Variants in PTGIS observed in about 807,000 individuals in gnomAD.
PTGIS encodes prostacyclin synthase.
Under a neutral mutation model 50.3 loss-of-function variants are expected in PTGIS, and 45 were observed. The ratio of observed to expected loss-of-function variants is 0.90; its 90% CI spans 0.70 to 1.15. The LOEUF (loss-of-function observed/expected upper bound fraction) is 1.15. Ranked by LOEUF, PTGIS falls within the 50% of genes most tolerant of loss-of-function variation. PTGIS has a pLI of 0.00. For synonymous variants in PTGIS, 260 were observed against 267.7 expected (o/e 0.97, Z 0.28); for missense variants, 668 against 661.3 (o/e 1.01, Z -0.11).
chr20:49,538,254 CAGAAAAAAAAAAA>C (rs1982131089), intron 5 of PTGIS, among the ~76,000 whole-genome samples: 1 of 54,206 alleles, frequency 1.8e-5, no homozygotes, highest in African/African-American at 8.4e-5. Flanking sequence ...GACCCTGGTT[CAGAAAAAAAAAAA>C]AAAAAAAAAA....
At chr20:49,527,292 A>AC (rs1981816317) in intron 5 of PTGIS, among the ~76,000 whole-genome samples, 1 of 132,372 alleles carries the variant, frequency 7.6e-6, no homozygotes, top group Admixed American at 7.0e-5. Context: ...TAAAATACAA[A>AC]AAAAAAAAAA....
chr20:49,547,570 A>T (rs1015612603), intron 3 of PTGIS, among the ~76,000 whole-genome samples: 1 of 151,994 alleles, frequency 6.6e-6, no homozygotes, highest in Non-Finnish European at 1.5e-5. Context: ...GCTGACCCAA[A>T]CCCTGGTCTC....
rs1011484749 is a variant in PTGIS, at chr20:49,540,581, G to C, written c.522-860C>G. On this transcript the variant is annotated intron_variant, in intron 4 of 9. Coordinates refer to ENST00000244043, the MANE Select transcript of PTGIS (RefSeq NM_000961.4). This position sits in a 1 kb window ranked among gnomAD's most constrained non-coding sequence, Gnocchi z 4.8. ...GGGGCTCTGGGAGGCCCGAGAAGGA[G>C]GTCAGGGCCTGGTCAAGTGTGAAAA... is the stretch of plus-strand genomic sequence containing the variant. 2.6e-5 allele frequency among the ~76,000 whole-genome samples: 4 copies of C among 152,110 alleles called. No homozygotes were observed. The highest frequency in any genetic ancestry group is 5.9e-5 in the Non-Finnish European group (4 of 68,016).
intron 5 of PTGIS, among the ~76,000 whole-genome samples, chr20:49,535,392 A>G (rs1160839644): frequency 5.3e-5 from 8 of 152,366 alleles, no homozygotes; most frequent in Admixed American, 4.6e-4. Flanking sequence ...TAGAACAGAT[A>G]CAAGTACAAT....
intron 9 of PTGIS, among the ~76,000 whole-genome samples, chr20:49,510,457 A>C (rs1981282830): frequency 6.6e-6 from 1 of 152,200 alleles, no homozygotes; most frequent in South Asian, 2.1e-4. Flanking sequence ...AGTTATAATC[A>C]GAACCCTCAT....
Position 49,547,962 on chromosome 20 carries a change from C to A in PTGIS, c.256G>T (p.Val86Leu). ...AGCCTGGTGCGAGGCTCCCACACCA[C>A]CGCGTCGTAGGAGTGTGGGTCCAGG... ...VLLDPHSYDA[V>L]VWEPRTRLDF... The change falls in exon 3 of 10, where the codon GTG becomes TTG. Residue 86 changes from valine (V) to leucine (L), a missense_variant. By Grantham distance (32) the Val-to-Leu change is conservative. Transcript: ENST00000244043. The A allele has an allele frequency of 6.2e-7, 1 of 1,614,088 alleles. No individual in the cohort carries two copies. The highest frequency in any genetic ancestry group is 8.5e-7 in the Non-Finnish European group (1 of 1,180,010).
At position 49,539,674 on chromosome 20, in the gene PTGIS, T is replaced by C. The variant is rs775976949; in HGVS notation, c.569A>G (p.His190Arg). Residue 190 changes from histidine (H) to arginine (R), a missense_variant, in exon 5 of 10, where the codon CAT (histidine) becomes CGT (arginine). His to Arg is a conservative substitution (Grantham distance 29). Transcript: ENST00000244043. The stretch of plus-strand genomic sequence containing the variant: ...GACGCGGTCCTGGGCCTGGCTTTCA[T>C]GGGTGCGTGGCAGCGCCTCAATTCC... ...LYGIEALPRT[H>R]ESQAQDRVHS... 4 of 1,613,712 alleles carry C rather than the reference T, an allele frequency of 2.5e-6. No homozygotes were observed. Among genetic ancestry groups the C allele is most frequent in the East Asian group, 2.2e-5 (1 of 44,878 alleles).
chr20:49,566,021 G>T (rs1982888463), intron 1 of PTGIS, among the ~76,000 whole-genome samples: 6 of 152,156 alleles, frequency 3.9e-5, no homozygotes, highest in Admixed American at 3.9e-4. Flanking sequence ...CCTGAGGTCA[G>T]GAGTTCGAGA....
chr20:49,529,912 T>C (rs1601188474), intron 5 of PTGIS, among the ~76,000 whole-genome samples: 1 of 152,174 alleles, frequency 6.6e-6, no homozygotes, highest in Admixed American at 6.5e-5. Flanking sequence ...CCCAGCACTT[T>C]GGAAGGCCGA....
intron 5 of PTGIS, among the ~76,000 whole-genome samples, chr20:49,537,757 A>G (rs910984088): frequency 6.6e-6 from 1 of 152,138 alleles, no homozygotes; most frequent in African/African-American, 2.4e-5. Flanking sequence ...TCTGTCTCAA[A>G]AAAACAAAAA....
rs183829703 is a variant in PTGIS at position 49,554,942 on chromosome 20, A to G, written c.75-4753T>C. Among the ~76,000 whole-genome samples, 450 of 152,304 alleles carry G rather than the reference A, an allele frequency of 3.0e-3. 1 individual carries two copies. Among genetic ancestry groups the G allele is most frequent in the Non-Finnish European group, 5.1e-3 (344 of 68,016 alleles). Reference sequence around the variant, plus strand: ...CCTCATGCTGTATTTATTAGAGCTTATTATTTGGAAAATTAAGTCTCCTCT... The same window carrying G: ...CCTCATGCTGTATTTATTAGAGCTTGTTATTTGGAAAATTAAGTCTCCTCT... On this transcript the variant is annotated intron_variant, in intron 1 of 9. Coordinates refer to ENST00000244043, the MANE Select transcript of PTGIS (RefSeq NM_000961.4).
intron 5 of PTGIS, among the ~76,000 whole-genome samples, chr20:49,525,221 C>T (rs1457397188): frequency 2.0e-5 from 3 of 152,214 alleles, no homozygotes; most frequent in African/African-American, 7.2e-5. Flanking sequence ...AACCAGCCCT[C>T]GGCAGGAGAG....
intron 1 of PTGIS, among the ~76,000 whole-genome samples, chr20:49,564,150 T>C (rs1347703822): frequency 2.6e-5 from 4 of 152,244 alleles, no homozygotes; most frequent in African/African-American, 9.6e-5. Flanking sequence ...GGGAACTACA[T>C]GACATTAAGA....
At chr20:49,532,561 A>T (rs1326032627) in intron 5 of PTGIS, among the ~76,000 whole-genome samples, 1 of 152,238 alleles carries the variant, frequency 6.6e-6, no homozygotes, top group South Asian at 2.1e-4. Flanking sequence ...CGTTATTAAC[A>T]TCTAAAGCAC....
At chr20:49,508,491 C>A (rs1981220287) in intron 9 of PTGIS, among the ~76,000 whole-genome samples, 1 of 152,206 alleles carries the variant, frequency 6.6e-6, no homozygotes, top group South Asian at 2.1e-4. Flanking sequence ...TGGAACTACA[C>A]CTCTGTTGGT....
intron 3 of PTGIS, among the ~76,000 whole-genome samples, chr20:49,546,886 T>C (rs1982373945): frequency 6.6e-6 from 1 of 152,254 alleles, no homozygotes; most frequent in Non-Finnish European, 1.5e-5. Flanking sequence ...CTCAGATGTC[T>C]GCTGAATGAA....
Position 49,505,486 on chromosome 20 carries a change from G to A in PTGIS, c.*2434C>T, listed in dbSNP as rs1353883986. 1.3e-5 allele frequency: 2 copies of A among 152,456 alleles called. No homozygotes were observed. Among genetic ancestry groups the A allele is most frequent in the East Asian group, 3.8e-4 (2 of 5,204 alleles). The allele number at this position is 152,456 out of a possible 1,614,324, so 9.4% of individuals were successfully genotyped here. A position where few individuals can be genotyped will look rare whatever the true frequency, so the allele number is the denominator to read the frequency against. ...TCACTAATGACTGTGGTTCCAAGGA[G>A]GTGCGACCTTTAAAGGGAATTGGCC... is the stretch of plus-strand genomic sequence containing the variant. On this transcript the variant is annotated 3_prime_UTR_variant, in exon 10 of 10. Transcript: ENST00000244043.
chr20:49,533,681 G>T (rs1479102751), intron 5 of PTGIS, among the ~76,000 whole-genome samples: 1 of 152,152 alleles, frequency 6.6e-6, no homozygotes, highest in East Asian at 1.9e-4. Context: ...AAATGGCCGG[G>T]TGTGGTGGCT....
chr20:49,545,590 C>G lies in PTGIS; in HGVS notation c.378-1142G>C, dbSNP rs139750087. Among the ~76,000 whole-genome samples, 91 of 151,996 alleles carry G rather than the reference C, an allele frequency of 6.0e-4. 1 individual carries two copies. Among genetic ancestry groups the G allele is most frequent in the Middle Eastern group, 3.4e-3 (1 of 294 alleles). Reference sequence around the variant, plus strand: ...CTGGAAGCTCCCCTATACTGAGCCTCCATGATATGGAGTCTACACTGAGCC... The same window carrying G: ...CTGGAAGCTCCCCTATACTGAGCCTGCATGATATGGAGTCTACACTGAGCC... On this transcript the variant is annotated intron_variant, in intron 3 of 9. Transcript: ENST00000244043.
Sources: gnomAD v4.1 joint callset for allele counts (sites outside exome capture counted in the v4.1 genomes callset) on GRCh38, gnomAD v4.1.1 for gene constraint, Gnocchi (gnomAD v3.1) non-coding constraint, MANE v1.5 for transcripts, NCBI Gene and HGNC (gene_info 2026-07-23, HGNC 2026-07-21) for gene names.